Variants in IGSF11 observed in about 807,000 individuals in gnomAD.
IGSF11 encodes immunoglobulin superfamily member 11, also known as CXADR like 1.
IGSF11 carries 22 observed loss-of-function variants against 41.0 expected under a neutral mutation model. The observed-to-expected ratio is 0.54, with a 90% confidence interval of 0.38 to 0.77. IGSF11 has a LOEUF of 0.77. Among genes scored for constraint, IGSF11 ranks in the 30% least tolerant of loss-of-function variants. The pLI is 0.00. For missense variants in IGSF11, 444 were observed against 530.8 expected, an observed-to-expected ratio of 0.84 and a Z score of 1.61; for synonymous variants, 219 against 201.3, an observed-to-expected ratio of 1.09 and a Z score of -0.74.
At chr3:119,033,232 T>G (rs1940585591) in intron 1 of IGSF11, among the ~76,000 whole-genome samples, 1 of 152,208 alleles carries the variant, frequency 6.6e-6, no homozygotes, top group African/African-American at 2.4e-5. Context: ...TGAGCTGTTC[T>G]TGTAATATTG....
chr3:119,009,907 C>A (rs1460038222), intron 1 of IGSF11, among the ~76,000 whole-genome samples: 2 of 152,008 alleles, frequency 1.3e-5, no homozygotes, highest in South Asian at 4.2e-4. Flanking sequence ...TTATACTATA[C>A]CTAGATTACA....
At chr3:118,945,738 A>T (rs1449279927) in intron 1 of IGSF11, 1 of 152,174 alleles carries the variant, frequency 6.6e-6, no homozygotes, top group Non-Finnish European at 1.5e-5. Context: ...CATATCAGCA[A>T]ATAAAAAATA....
intron 1 of IGSF11, among the ~76,000 whole-genome samples, chr3:119,077,878 A>G (rs2076526603): frequency 6.6e-6 from 1 of 152,186 alleles, no homozygotes; most frequent in East Asian, 1.9e-4. Flanking sequence ...ATTTCTATAC[A>G]CCAATAGCGT....
At chr3:119,117,215 T>A (rs1214495809) in intron 1 of IGSF11, among the ~76,000 whole-genome samples, 3 of 151,604 alleles carry the variant, frequency 2.0e-5, no homozygotes, top group African/African-American at 7.3e-5. Context: ...AAAAAACTAC[T>A]CAATCTTGGT....
chr3:119,048,454 G>T (rs184361901), intron 1 of IGSF11, among the ~76,000 whole-genome samples: 5 of 152,230 alleles, frequency 3.3e-5, no homozygotes, highest in South Asian at 2.1e-4. Flanking sequence ...CAGGAAGAAG[G>T]TGAATCTCTG....
chr3:118,913,179 T>TA (rs1416683833), intron 4 of IGSF11, among the ~76,000 whole-genome samples: 1 of 148,420 alleles, frequency 6.7e-6, no homozygotes, highest in Non-Finnish European at 1.5e-5. Context: ...AGCAAAGGAT[T>TA]AAAAAAACAT....
chr3:119,027,248 T>C (rs74734122), intron 1 of IGSF11, among the ~76,000 whole-genome samples: 23,473 of 152,208 alleles, frequency 0.15, 1,878 homozygotes, highest in East Asian at 0.19. Flanking sequence ...TTCACTGATA[T>C]GGTTTCTGGT....
chr3:118,902,558 T>A lies in IGSF11; in HGVS notation c.1258A>T (p.Met420Leu). The part of the protein sequence containing the change: ...TLERIGAVPV[M>L]VPAQSRAGSL... ...CCGGCCCGACTCTGGGCTGGTACCA[T>A]GACAGGTACTGCACCAATTCGTTCC... is the stretch of plus-strand genomic sequence containing the variant. Residue 420 changes from methionine to leucine, a missense_variant, in exon 7 of 7, where the codon ATG becomes TTG. Met to Leu is a conservative substitution (Grantham distance 15). Transcript: ENST00000393775. The A allele has an allele frequency of 6.6e-7, 1 of 1,519,926 alleles. No individual in the cohort carries two copies. Among genetic ancestry groups the A allele is most frequent in the Non-Finnish European group, 8.9e-7 (1 of 1,118,592 alleles). The allele number at this position is 1,519,926 out of a possible 1,614,324, so 94.2% of individuals were successfully genotyped here. A position where few individuals can be genotyped will look rare whatever the true frequency, so the allele number is the denominator to read the frequency against.
rs536590119 is a variant in IGSF11 at position 119,046,328 on chromosome 3, C to T, written c.49+58816G>A. ...GCTGATGGAGCTGAAAACCAAGGCT[C>T]GAGAACTACGTGAAGAATGCAGAAG... is the stretch of plus-strand genomic sequence containing the variant. On this transcript the variant is annotated intron_variant, in intron 1 of 6. Transcript: ENST00000354673. 3.9e-3 allele frequency among the ~76,000 whole-genome samples: 584 copies of T among 151,590 alleles called. 10 individuals carry two copies. The highest frequency in any genetic ancestry group is 0.014 in the African/African-American group (561 of 41,244).
At chr3:119,052,667 A>C (rs1941673552) in intron 1 of IGSF11, among the ~76,000 whole-genome samples, 1 of 152,062 alleles carries the variant, frequency 6.6e-6, no homozygotes, top group South Asian at 2.1e-4. Context: ...CCTAATACCA[A>C]AACCAGGAAA....
At chr3:119,101,426 T>C (rs1401695660) in intron 1 of IGSF11, among the ~76,000 whole-genome samples, 1 of 152,048 alleles carries the variant, frequency 6.6e-6, no homozygotes, top group Non-Finnish European at 1.5e-5. Context: ...GGAGAATCAC[T>C]TGAATCTGGG....
At chr3:118,943,882 G>A (rs938704582) in intron 1 of IGSF11, among the ~76,000 whole-genome samples, 1 of 152,184 alleles carries the variant, frequency 6.6e-6, no homozygotes, top group Non-Finnish European at 1.5e-5. Context: ...TAATGAGCAA[G>A]CTCCATTTGT....
At chr3:119,058,481 C>T (rs1708876068) in intron 1 of IGSF11, among the ~76,000 whole-genome samples, 1 of 151,418 alleles carries the variant, frequency 6.6e-6, no homozygotes, top group African/African-American at 2.4e-5. Context: ...ACAACAGGTG[C>T]TGGAGAGGAT....
chr3:119,083,126 CTTTTTTTT>C (rs79620142), intron 1 of IGSF11, among the ~76,000 whole-genome samples: 1 of 129,120 alleles, frequency 7.7e-6, no homozygotes, highest in Non-Finnish European at 1.6e-5. Context: ...TTTCTTTTTT[CTTTTTTTT>C]TTTTTTTTGG....
chr3:119,052,325 C>T (rs894427927), intron 1 of IGSF11, among the ~76,000 whole-genome samples: 8 of 151,768 alleles, frequency 5.3e-5, no homozygotes, highest in African/African-American at 1.9e-4. Context: ...ACTAAGACTA[C>T]AAAAATTATC....
At chr3:118,926,926 C>T (rs1380389808) in intron 3 of IGSF11, among the ~76,000 whole-genome samples, 1 of 152,114 alleles carries the variant, frequency 6.6e-6, no homozygotes, top group East Asian at 1.9e-4. Flanking sequence ...AAACTAAGCC[C>T]ATGGCTTGAA....
chr3:119,029,818 A>T (rs767177815), intron 1 of IGSF11, among the ~76,000 whole-genome samples: 1 of 152,214 alleles, frequency 6.6e-6, no homozygotes, highest in Non-Finnish European at 1.5e-5. Flanking sequence ...TTCTTTTAAG[A>T]CCAGCCTACA....
At chr3:119,029,277 C>CCACCCGA (rs1553716858) in intron 1 of IGSF11, among the ~76,000 whole-genome samples, 1 of 146,336 alleles carries the variant, frequency 6.8e-6, no homozygotes, top group Non-Finnish European at 1.5e-5. Flanking sequence ...CACACACACC[C>CCACCCGA]GAGAGAGAGA....
intron 1 of IGSF11, among the ~76,000 whole-genome samples, chr3:118,978,849 A>C (rs1427733722): frequency 6.6e-6 from 1 of 152,228 alleles, no homozygotes; most frequent in Non-Finnish European, 1.5e-5. Context: ...CACAGATACC[A>C]ATGTAAGGAC....
Sources: allele counts gnomAD v4.1 joint callset (sites outside exome capture counted in the v4.1 genomes callset), GRCh38; gene constraint gnomAD v4.1.1; transcripts MANE v1.5; gene names NCBI Gene and HGNC (gene_info 2026-07-23, HGNC 2026-07-21).